The following SLC25A32 variants were observed in gnomAD, a reference collection of about 807,000 sequenced individuals.
SLC25A32 encodes the protein Glycine auxotroph B, complementation of hamster.
In SLC25A32, 32 loss-of-function variants were observed where a neutral mutation model predicts 39.0. The ratio of observed to expected loss-of-function variants is 0.82; its 90% CI spans 0.62 to 1.10. The LOEUF is 1.10. SLC25A32 is among the 50% of genes least tolerant of loss of function. The pLI is 0.00. For synonymous variants in SLC25A32, 166 were observed against 152.4 expected (o/e 1.09, Z -0.66); for missense variants, 367 against 395.3 (o/e 0.93, Z 0.61).
At position 103,398,911 on chromosome 8, in the gene SLC25A32, C is replaced by T. The variant is rs558767212; in HGVS notation, c.*1500G>A. 11 of 152,142 alleles carry T rather than the reference C, an allele frequency of 7.2e-5. 1 individual carries two copies. In the South Asian group the frequency reaches 1.9e-3, roughly 26 times the overall value. 9.4% of individuals were successfully genotyped at this position (152,142 alleles called of 1,614,324 possible). Reference sequence around the variant, plus strand: ...TTTTATCTTTACTTTAAAAACAATGCCTTTTCCAAAATATAAAAAAAAGAC... The same window carrying T: ...TTTTATCTTTACTTTAAAAACAATGTCTTTTCCAAAATATAAAAAAAAGAC... On this transcript the variant is annotated 3_prime_UTR_variant, in exon 7 of 7. Transcript: ENST00000297578.
At chr8:103,405,990 A>G (rs1816321710) in intron 2 of SLC25A32, among the ~76,000 whole-genome samples, 1 of 151,828 alleles carries the variant, frequency 6.6e-6, no homozygotes, top group South Asian at 2.1e-4. Context: ...TATCACAAAA[A>G]TTTTATATGG....
intron 5 of SLC25A32, 123 bp downstream of exon 5, chr8:103,401,818 A>C (rs942746458): frequency 3.1e-6 from 3 of 962,056 alleles, no homozygotes; most frequent in Admixed American, 6.0e-5. Flanking sequence ...ACTATAAATT[A>C]AATCAGTGGC....
intron 1 of SLC25A32, among the ~76,000 whole-genome samples, chr8:103,410,312 C>T (rs747414781): frequency 1.3e-5 from 2 of 152,328 alleles, no homozygotes; most frequent in Non-Finnish European, 2.9e-5. Context: ...AATTGGGTCA[C>T]ACAGCAGCAG....
At chr8:103,408,255 G>C (rs1816386672) in intron 1 of SLC25A32, among the ~76,000 whole-genome samples, 2 of 151,896 alleles carry the variant, frequency 1.3e-5, no homozygotes, top group Admixed American at 6.6e-5. Context: ...CCAAAGTGCT[G>C]GGATTACAGG....
In SLC25A32 at chr8:103,402,027, A is replaced by T; in HGVS notation, c.580T>A (p.Ser194Thr). The T allele has an allele frequency of 6.2e-7, 1 of 1,613,076 alleles. No homozygotes were observed. The highest frequency in any genetic ancestry group is 1.3e-5 in the African/African-American group (1 of 75,040). ...KGFVPGLFGT[S>T]HGALQFMAYE... ...GCCATAAACTGAAGGGCACCATGCG[A>T]TGTTCCAAACAGCCCAGGAACAAAT... is the stretch of plus-strand genomic sequence containing the variant. The change falls in exon 5 of 7, where the codon TCG (serine) becomes ACG (threonine). Residue 194 changes from serine to threonine, a missense_variant. Coordinates refer to ENST00000297578, the MANE Select transcript of SLC25A32 (RefSeq NM_030780.5).
At chr8:103,400,895 C>T (rs1182938020) in intron 6 of SLC25A32, among the ~76,000 whole-genome samples, 1 of 152,170 alleles carries the variant, frequency 6.6e-6, no homozygotes, top group African/African-American at 2.4e-5. Flanking sequence ...TGCTAGCCAA[C>T]ATTAAATACA....
Position 103,403,203 on chromosome 8 carries a change from C to T in SLC25A32, c.513G>A (p.Val171=). 19 of 1,611,042 alleles carry T rather than the reference C, an allele frequency of 1.2e-5. No homozygotes were observed. Among genetic ancestry groups the T allele is most frequent in the Non-Finnish European group, 1.6e-5 (19 of 1,177,844 alleles). Residue 171 remains valine, a synonymous_variant, in exon 4 of 7, where the codon GTG becomes GTA. Transcript: ENST00000297578. ...RQYKGMFDTL[V]KIYKYEGVRG... The stretch of plus-strand genomic sequence containing the variant: ...GCACACCTTCATACTTATATATTTT[C>T]ACAAGTGTATCAAACATTCCTTTAT...
chr8:103,409,842 T>C (rs1457449134), intron 1 of SLC25A32, among the ~76,000 whole-genome samples: 1 of 152,230 alleles, frequency 6.6e-6, no homozygotes. Context: ...ACCTCCCTAA[T>C]TCGCTACATG....
rs1416316905 is a variant in SLC25A32 at position 103,399,287 on chromosome 8, G to A, written c.*1124C>T. On this transcript the variant is annotated 3_prime_UTR_variant, in exon 7 of 7. Coordinates refer to ENST00000297578, the MANE Select transcript of SLC25A32 (RefSeq NM_030780.5). ...CCAAACATTTCAGCATCTGTAAAAG[G>A]TGATCTATTTAGCATCTGTAATAAG... The A allele has an allele frequency of 6.6e-6, 1 of 152,130 alleles. No homozygotes were observed. The highest frequency in any genetic ancestry group is 1.5e-5 in the Non-Finnish European group (1 of 68,008). 9.4% of individuals were successfully genotyped at this position (152,130 alleles called of 1,614,324 possible). A position where few individuals can be genotyped will look rare whatever the true frequency, so the allele number is the denominator to read the frequency against.
chr8:103,414,191 T>C (rs1010094583), intron 1 of SLC25A32, among the ~76,000 whole-genome samples: 4 of 152,276 alleles, frequency 2.6e-5, no homozygotes, highest in African/African-American at 9.6e-5. Context: ...CAGACTTTAG[T>C]GTTGAGTTTA....
intron 2 of SLC25A32, 130 bp downstream of exon 2, chr8:103,407,504 T>C: frequency 1.4e-6 from 1 of 730,090 alleles, no homozygotes. Context: ...ATTTTGTTCT[T>C]CCTGATCCTT....
At chr8:103,402,090 T>C (rs1351019024) in intron 4 of SLC25A32, 36 bp from the exon 5 acceptor site, 2 of 1,411,708 alleles carry the variant, frequency 1.4e-6, no homozygotes, top group South Asian at 1.3e-5. Context: ...CAAAACAACA[T>C]ACGTTTGAAG....
chr8:103,403,975 C>G (rs191163715), intron 3 of SLC25A32, among the ~76,000 whole-genome samples: 8 of 152,210 alleles, frequency 5.3e-5, no homozygotes, highest in African/African-American at 1.7e-4. Flanking sequence ...CCTGTTATGA[C>G]TCAGGTTTTT....
chr8:103,401,014 T>C (rs1039783112), intron 6 of SLC25A32, among the ~76,000 whole-genome samples: 1 of 152,246 alleles, frequency 6.6e-6, no homozygotes, highest in African/African-American at 2.4e-5. Flanking sequence ...GAATTAAATT[T>C]AAACATCCTA....
intron 6 of SLC25A32, 61 bp downstream of exon 6, chr8:103,401,455 A>T: frequency 6.7e-7 from 1 of 1,494,008 alleles, no homozygotes; most frequent in South Asian, 1.3e-5. Context: ...TATCAACAGG[A>T]TGGTCTAAGA....
In SLC25A32 at chr8:103,414,796, T is replaced by A; in HGVS notation, c.142A>T (p.Ile48Phe). 6.2e-7 allele frequency: 1 copy of A among 1,613,722 alleles called. No homozygotes were observed. Among genetic ancestry groups the A allele is most frequent in the South Asian group, 1.1e-5 (1 of 91,086 alleles). ...LALHPLDLVKIRFAVSDGLEL... is the reference protein window; with the variant it reads ...LALHPLDLVKFRFAVSDGLEL... ...GGCGGGCTCTTACCGGCGAAGCGGATCTTCACGAGGTCGAGCGGATGCAGC... is the reference window on the plus strand; with the variant it reads ...GGCGGGCTCTTACCGGCGAAGCGGAACTTCACGAGGTCGAGCGGATGCAGC... The change falls in exon 1 of 7, where the codon ATC (isoleucine) becomes TTC (phenylalanine). Residue 48 changes from isoleucine to phenylalanine, a missense_variant. Transcript: ENST00000297578.
chr8:103,410,345 G>C (rs149858389), intron 1 of SLC25A32, among the ~76,000 whole-genome samples: 1 of 152,174 alleles, frequency 6.6e-6, no homozygotes, highest in Non-Finnish European at 1.5e-5. Flanking sequence ...GGCGGAGTAC[G>C]AGCGAAGCTT....
intron 1 of SLC25A32, among the ~76,000 whole-genome samples, chr8:103,413,072 C>T (rs1482110637): frequency 6.6e-6 from 1 of 152,192 alleles, no homozygotes; most frequent in Non-Finnish European, 1.5e-5. Context: ...CCAATCCAAA[C>T]TCAATCCTTT....
rs970808930 is a variant in SLC25A32 at position 103,399,840 on chromosome 8, G to C, written c.*571C>G. On this transcript the variant is annotated 3_prime_UTR_variant, in exon 7 of 7. Coordinates refer to ENST00000297578, the MANE Select transcript of SLC25A32 (RefSeq NM_030780.5). ...GAATGGCGTGAACCCGGGAGGTGGAGGTTGCAGTGAGCTGAGATCACGCCA... is the reference window on the plus strand; with the variant it reads ...GAATGGCGTGAACCCGGGAGGTGGACGTTGCAGTGAGCTGAGATCACGCCA... 2.0e-5 allele frequency: 3 copies of C among 152,362 alleles called. No homozygotes were observed. The highest frequency in any genetic ancestry group is 7.2e-5 in the African/African-American group (3 of 41,432). 9.4% of individuals were successfully genotyped at this position (152,362 alleles called of 1,614,324 possible).
Sources: gnomAD v4.1 joint callset for allele counts (sites outside exome capture counted in the v4.1 genomes callset) on GRCh38, gnomAD v4.1.1 for gene constraint, MANE v1.5 for transcripts, NCBI Gene and HGNC (gene_info 2026-07-23, HGNC 2026-07-21) for gene names.